CACNA1C: variants seen among roughly 807,000 people sequenced by gnomAD.
The protein encoded by CACNA1C is calcium voltage-gated channel subunit alpha1 C, also known as voltage-dependent L-type calcium channel subunit alpha-1C.
CACNA1C carries 30 observed loss-of-function variants against 229.0 expected under a neutral mutation model. The observed-to-expected ratio is 0.13, with a 90% CI of 0.10 to 0.18. CACNA1C has a LOEUF of 0.18. Among genes scored for constraint, CACNA1C ranks in the 10% least tolerant of loss-of-function variants. The pLI, the probability that CACNA1C is intolerant of heterozygous loss-of-function variation, is 1.00. For synonymous variants in CACNA1C, 1,114 were observed against 1,132.5 expected, an observed-to-expected ratio of 0.98 and a Z score of 0.33; for missense variants, 1,658 against 2,845.0, an observed-to-expected ratio of 0.58 and a Z score of 9.49.
At chr12:2,454,253 G>A (rs1596739998) in intron 4 of CACNA1C, among the ~76,000 whole-genome samples, 1 of 152,256 alleles carries the variant, frequency 6.6e-6, no homozygotes. Flanking sequence ...CTTGGTTCTT[G>A]GATATCTGGC....
intron 3 of CACNA1C, among the ~76,000 whole-genome samples, chr12:2,313,106 G>A (rs1301636158): frequency 6.6e-6 from 1 of 152,148 alleles, no homozygotes; most frequent in Non-Finnish European, 1.5e-5. Context: ...ATATCAATCA[G>A]AGTCATGTGG....
intron 3 of CACNA1C, among the ~76,000 whole-genome samples, chr12:2,194,824 G>A (rs2097353609): frequency 6.6e-6 from 1 of 152,158 alleles, no homozygotes; most frequent in South Asian, 2.1e-4. Context: ...GGAGCACAGT[G>A]TTCCCCAGGA....
At chr12:2,607,723 C>G (rs994898026) in intron 26 of CACNA1C, among the ~76,000 whole-genome samples, 4 of 152,258 alleles carry the variant, frequency 2.6e-5, no homozygotes, top group African/African-American at 9.6e-5. Flanking sequence ...AGCTTCCCAT[C>G]AGATCCTTAT....
chr12:2,489,706 TTGGAATCACTAAC>T (rs1217456148), intron 6 of CACNA1C, among the ~76,000 whole-genome samples: 1 of 152,240 alleles, frequency 6.6e-6, no homozygotes, highest in African/African-American at 2.4e-5. Context: ...TGATTTCTCC[TTGGAATCACTAAC>T]TGGAGCTCTC....
rs1190891038 is a variant in CACNA1C, at chr12:2,686,189, G to C, written c.5704G>C (p.Glu1902Gln). The C allele has an allele frequency of 1.2e-6, 2 of 1,613,986 alleles. No individual in the cohort carries two copies. Among genetic ancestry groups the C allele is most frequent in the Non-Finnish European group, 1.7e-6 (2 of 1,179,874 alleles). Residue 1902 changes from glutamate (E) to glutamine (Q), a missense_variant, in exon 45 of 47, where the codon GAA becomes CAA. Coordinates refer to ENST00000399655, the MANE Select transcript of CACNA1C (RefSeq NM_000719.7). Reference protein sequence around the residue: ...SLGRRASFHLECLKRQKDRGG... With the variant: ...SLGRRASFHLQCLKRQKDRGG... ...AGGTCGAAGGGCCTCCTTCCACCTG[G>C]AATGTCTGAAGCGACAGAAGGACCG...
intron 1 of CACNA1C, among the ~76,000 whole-genome samples, chr12:2,016,294 A>AT (rs201864122): frequency 0.016 from 2,378 of 152,338 alleles, 66 homozygotes; most frequent in African/African-American, 0.054. Context: ...ACAACAAAAT[A>AT]CATCAGTACA....
chr12:2,201,967 G>C lies in CACNA1C; in HGVS notation c.477+81537G>C, dbSNP rs77693554. ...GAGGGAGTGCTTCTGGGTAGGCAACGATTCCAACTTTATCATTTGTCTTCC... is the reference window on the plus strand; with the variant it reads ...GAGGGAGTGCTTCTGGGTAGGCAACCATTCCAACTTTATCATTTGTCTTCC... On this transcript the variant is annotated intron_variant, in intron 3 of 46. Transcript: ENST00000399655. Among the ~76,000 whole-genome samples, 74 of 152,340 alleles carry C rather than the reference G, an allele frequency of 4.9e-4. No individual in the cohort carries two copies. In the East Asian group the frequency reaches 0.014, roughly 28 times the overall value.
At position 2,335,355 on chromosome 12, in the gene CACNA1C, G is replaced by T. The variant is rs376725029; in HGVS notation, c.478-113621G>T. On this transcript the variant is annotated intron_variant, in intron 3 of 46. Transcript: ENST00000399655. The stretch of plus-strand genomic sequence containing the variant: ...ATGAAAACAAACATCTGTGATTTAC[G>T]ATGTCAAGAGCCATTTCCTTCCTCT... 1.8e-3 allele frequency among the ~76,000 whole-genome samples: 280 copies of T among 152,194 alleles called. 2 individuals carry two copies. Among genetic ancestry groups the T allele is most frequent in the African/African-American group, 6.3e-3 (261 of 41,530 alleles).
intron 3 of CACNA1C, among the ~76,000 whole-genome samples, chr12:2,148,348 G>C (rs537738861): frequency 6.6e-6 from 1 of 151,396 alleles, no homozygotes; most frequent in South Asian, 2.1e-4. Context: ...GTCTGAACTT[G>C]TCTTCCAGCC....
At chr12:2,464,103 TCA>T (rs1325323717) in intron 5 of CACNA1C, among the ~76,000 whole-genome samples, 1 of 152,034 alleles carries the variant, frequency 6.6e-6, no homozygotes, top group African/African-American at 2.4e-5. Context: ...AAGGGAGAAG[TCA>T]AATGGAGATG....
intron 1 of CACNA1C, among the ~76,000 whole-genome samples, chr12:1,996,429 C>T (rs955149617): frequency 6.6e-6 from 1 of 151,860 alleles, no homozygotes; most frequent in Non-Finnish European, 1.5e-5. Context: ...TTTTGCCATT[C>T]TTCCTGTTGA....
At chr12:2,615,323 G>A (rs1002118565) in intron 29 of CACNA1C, among the ~76,000 whole-genome samples, 2 of 152,228 alleles carry the variant, frequency 1.3e-5, no homozygotes, top group Non-Finnish European at 2.9e-5. Flanking sequence ...AATAAATTTT[G>A]AAGATACTCT....
chr12:2,473,381 G>A (rs1404999325), intron 5 of CACNA1C, among the ~76,000 whole-genome samples: 1 of 152,166 alleles, frequency 6.6e-6, no homozygotes, highest in Non-Finnish European at 1.5e-5. Context: ...TCAATTCCAT[G>A]GGGCTGCAGT....
intron 13 of CACNA1C, among the ~76,000 whole-genome samples, chr12:2,572,468 T>C: frequency 6.5e-5 from 1 of 15,294 alleles, no homozygotes; most frequent in Admixed American, 8.4e-4. Flanking sequence ...CTCCTCCTCT[T>C]CCTCCTTCTC....
At chr12:2,208,799 C>T (rs1438010045) in intron 3 of CACNA1C, among the ~76,000 whole-genome samples, 2 of 152,176 alleles carry the variant, frequency 1.3e-5, no homozygotes, top group Non-Finnish European at 2.9e-5. Context: ...TGTATTTTAC[C>T]CAATAACAAC....
chr12:2,551,041 C>G (rs995815186), intron 10 of CACNA1C, among the ~76,000 whole-genome samples: 2 of 152,194 alleles, frequency 1.3e-5, no homozygotes, highest in African/African-American at 4.8e-5. Flanking sequence ...CAGTGCAAAC[C>G]TCTTCTTTTG....
Position 2,679,755 on chromosome 12 carries a change from C to T in CACNA1C, c.5403C>T (p.Ala1801=). 6.3e-7 allele frequency: 1 copy of T among 1,592,596 alleles called. No individual in the cohort carries two copies. The highest frequency in any genetic ancestry group is 8.6e-7 in the Non-Finnish European group (1 of 1,168,868). ...GCCACGGGCCCCCCTTGTCCCCTGCCATCCGGGTGCAGGAGGTGGCGTGGA... is the reference window on the plus strand; with the variant it reads ...GCCACGGGCCCCCCTTGTCCCCTGCTATCCGGGTGCAGGAGGTGGCGTGGA... ...VEGHGPPLSP[A]IRVQEVAWKL... The change falls in exon 42 of 47, where the codon GCC becomes GCT. Residue 1801 remains alanine, a synonymous_variant. Transcript: ENST00000399655. This position sits in a 1 kb window ranked among gnomAD's most constrained non-coding sequence, Gnocchi z 5.5.
chr12:2,360,814 G>A (rs1329578796), intron 3 of CACNA1C, among the ~76,000 whole-genome samples: 3 of 152,170 alleles, frequency 2.0e-5, no homozygotes, highest in Non-Finnish European at 4.4e-5. Context: ...ATATTTCGTA[G>A]TGAAGTATTT....
At chr12:2,227,195 C>G (rs2063265291) in intron 3 of CACNA1C, among the ~76,000 whole-genome samples, 1 of 152,208 alleles carries the variant, frequency 6.6e-6, no homozygotes, top group South Asian at 2.1e-4. Context: ...CCTCGCCTTC[C>G]TCTAACCAGG....
Sources: gnomAD v4.1 joint callset for allele counts (sites outside exome capture counted in the v4.1 genomes callset) on GRCh38, gnomAD v4.1.1 for gene constraint, Gnocchi (gnomAD v3.1) non-coding constraint, MANE v1.5 for transcripts, NCBI Gene and HGNC (gene_info 2026-07-23, HGNC 2026-07-21) for gene names.